The following CLVS2 variants were observed in gnomAD, a reference collection of about 807,000 sequenced individuals.
CLVS2 encodes the protein clavesin 2.
Under a neutral mutation model 29.0 loss-of-function variants are expected in CLVS2, and 19 were observed. The ratio of observed to expected loss-of-function variants is 0.66; its 90% CI spans 0.46 to 0.96. The LOEUF (loss-of-function observed/expected upper bound fraction) is 0.96, where lower values mean the gene tolerates loss of function less well. Ranked by LOEUF, CLVS2 falls within the 40% of genes least tolerant of loss-of-function variation. CLVS2 has a pLI of 0.00. For missense variants in CLVS2, 294 were observed against 404.1 expected (o/e 0.73, Z 2.34); for synonymous variants, 161 against 151.3 (o/e 1.06, Z -0.47).
intron 2 of CLVS2, among the ~76,000 whole-genome samples, chr6:123,008,184 G>C (rs1774696294): frequency 6.6e-6 from 1 of 151,968 alleles, no homozygotes; most frequent in Non-Finnish European, 1.5e-5. Context: ...GTATTTTTAT[G>C]TTTCTTTTTC....
chr6:123,004,515 T>C (rs1774635437), intron 2 of CLVS2, among the ~76,000 whole-genome samples: 1 of 152,232 alleles, frequency 6.6e-6, no homozygotes. Flanking sequence ...GATGTCTTAT[T>C]GCTTTTCCTC....
chr6:123,047,110 G>T (rs1772525386), intron 3 of CLVS2, among the ~76,000 whole-genome samples: 1 of 151,946 alleles, frequency 6.6e-6, no homozygotes, highest in Admixed American at 6.6e-5. Flanking sequence ...CATTAAACTA[G>T]GAAAATACCT....
rs989012381 is a variant in CLVS2 at position 123,069,166 on chromosome 6, G to T, written c.*5405G>T. 6.6e-6 allele frequency: 1 copy of T among 151,652 alleles called. No homozygotes were observed. Among genetic ancestry groups the T allele is most frequent in the African/African-American group, 2.4e-5 (1 of 41,354 alleles). 9.4% of individuals were successfully genotyped at this position (151,652 alleles called of 1,614,324 possible). ...CAAACTTTCAAATGAAAGTTTGAAA[G>T]AAGTAAACTAATGTTTTAATTACAT... On this transcript the variant is annotated 3_prime_UTR_variant, in exon 6 of 6. Coordinates refer to ENST00000275162, the MANE Select transcript of CLVS2 (RefSeq NM_001010852.4).
chr6:123,059,472 T>C (rs1404568542), intron 5 of CLVS2, among the ~76,000 whole-genome samples: 1 of 152,186 alleles, frequency 6.6e-6, no homozygotes, highest in Non-Finnish European at 1.5e-5. Flanking sequence ...GAAATACCAG[T>C]TGAATGCATG....
At position 123,064,926 on chromosome 6, in the gene CLVS2, A is replaced by T. The variant is rs1772831523; in HGVS notation, c.*1165A>T. 2 of 151,942 alleles carry T rather than the reference A, an allele frequency of 1.3e-5. No homozygotes were observed. The highest frequency in any genetic ancestry group is 1.5e-5 in the Non-Finnish European group (1 of 67,800). 9.4% of individuals were successfully genotyped at this position (151,942 alleles called of 1,614,324 possible). ...ATATGTGCCATCTTATTTGAACTAT[A>T]TTTTTCCTTCAAAGAAGCAATAGGT... On this transcript the variant is annotated 3_prime_UTR_variant, in exon 6 of 6. Transcript: ENST00000275162.
rs954244195 is a variant in CLVS2, at chr6:123,068,026, G to A, written c.*4265G>A. 6 of 151,528 alleles carry A rather than the reference G, an allele frequency of 4.0e-5. No homozygotes were observed. Among genetic ancestry groups the A allele is most frequent in the African/African-American group, 1.5e-4 (6 of 41,340 alleles). The allele number at this position is 151,528 out of a possible 1,614,324, so 9.4% of individuals were successfully genotyped here. On this transcript the variant is annotated 3_prime_UTR_variant, in exon 6 of 6. Transcript: ENST00000275162. ...GCTTAGAGAATATAATCTTTTTTAA[G>A]AATTAAAGATTTTATTTTATAAATA...
intron 2 of CLVS2, among the ~76,000 whole-genome samples, chr6:123,001,423 A>G (rs777329407): frequency 6.6e-6 from 1 of 152,206 alleles, no homozygotes; most frequent in Non-Finnish European, 1.5e-5. Flanking sequence ...AAATACTCAA[A>G]TGTCAAAATG....
intron 4 of CLVS2, among the ~76,000 whole-genome samples, 200 bp downstream of exon 4, chr6:123,048,932 C>A (rs1772562774): frequency 6.6e-6 from 1 of 152,158 alleles, no homozygotes. Context: ...AGCTAGCTCT[C>A]CTACTTGCTC....
chr6:123,061,913 G>A (rs1187045417), intron 5 of CLVS2, among the ~76,000 whole-genome samples: 1 of 151,880 alleles, frequency 6.6e-6, no homozygotes, highest in Non-Finnish European at 1.5e-5. Flanking sequence ...TTTCTATAAA[G>A]AAAACAGAAT....
intron 3 of CLVS2, among the ~76,000 whole-genome samples, chr6:123,036,563 A>C (rs1320891972): frequency 1.3e-5 from 2 of 152,162 alleles, no homozygotes; most frequent in Non-Finnish European, 2.9e-5. Flanking sequence ...TGTTGTGTTA[A>C]ATAAAACTAA....
At chr6:123,033,615 GA>G (rs756165662) in intron 3 of CLVS2, among the ~76,000 whole-genome samples, 21 of 151,862 alleles carry the variant, frequency 1.4e-4, no homozygotes, top group Non-Finnish European at 2.1e-4. Context: ...AGAACTTTTA[GA>G]AAAAAATAGG....
chr6:123,029,318 A>G (rs1249547734), intron 3 of CLVS2, among the ~76,000 whole-genome samples: 1 of 152,244 alleles, frequency 6.6e-6, no homozygotes, highest in Non-Finnish European at 1.5e-5. Context: ...AAAATTTCAA[A>G]TGCTATGTAA....
intron 2 of CLVS2, among the ~76,000 whole-genome samples, chr6:123,005,825 A>G (rs1295022612): frequency 6.6e-6 from 1 of 152,238 alleles, no homozygotes; most frequent in Non-Finnish European, 1.5e-5. Context: ...TATTGGGCTG[A>G]CAGGGAAGCC....
At position 123,033,873 on chromosome 6, in the gene CLVS2, A is replaced by G. The variant is rs1387646610; in HGVS notation, c.565-14749A>G. On this transcript the variant is annotated intron_variant, in intron 3 of 5. Transcript: ENST00000275162. ...AAAATCATTAAAAATTCAACAGTGAAAAAACAATCCAATAAGAATATGGTT... is the reference window on the plus strand; with the variant it reads ...AAAATCATTAAAAATTCAACAGTGAGAAAACAATCCAATAAGAATATGGTT... Among the ~76,000 whole-genome samples, 3 of 152,232 alleles carry G rather than the reference A, an allele frequency of 2.0e-5. No homozygotes were observed. In the East Asian group the frequency reaches 5.8e-4, roughly 29 times the overall value.
At chr6:123,029,950 G>A (rs1775059722) in intron 3 of CLVS2, among the ~76,000 whole-genome samples, 2 of 152,256 alleles carry the variant, frequency 1.3e-5, no homozygotes, top group Middle Eastern at 3.4e-3. Flanking sequence ...ATCGTCCTAC[G>A]TGGAGAAAGG....
chr6:123,048,549 CA>C, intron 3 of CLVS2, 72 bp from the exon 4 acceptor site: 1 of 964,628 alleles, frequency 1.0e-6, no homozygotes, highest in Non-Finnish European at 1.7e-6. Context: ...ATTTGTATAC[CA>C]TATAACCTTT....
rs559216033 is a variant in CLVS2 at position 123,065,291 on chromosome 6, T to G, written c.*1530T>G. Reference sequence around the variant, plus strand: ...TTGAGAGTTTACCATTAAAGTATTCTTTTGGAAGAAAAATATCTCAGAAAC... The same window carrying G: ...TTGAGAGTTTACCATTAAAGTATTCGTTTGGAAGAAAAATATCTCAGAAAC... On this transcript the variant is annotated 3_prime_UTR_variant, in exon 6 of 6. Transcript: ENST00000275162. 1.3e-5 allele frequency: 2 copies of G among 151,976 alleles called. No individual in the cohort carries two copies. The highest frequency in any genetic ancestry group is 4.8e-5 in the African/African-American group (2 of 41,540). The allele number at this position is 151,976 out of a possible 1,614,324, so 9.4% of individuals were successfully genotyped here. A position where few individuals can be genotyped will look rare whatever the true frequency, so the allele number is the denominator to read the frequency against.
intron 3 of CLVS2, among the ~76,000 whole-genome samples, chr6:123,045,273 G>T (rs942842744): frequency 6.6e-6 from 1 of 152,012 alleles, no homozygotes; most frequent in East Asian, 1.9e-4. Flanking sequence ...AGAACAAACG[G>T]ATTTAATACT....
rs77836990 is a variant in CLVS2 at position 123,031,795 on chromosome 6, C to CT, written c.565-16815dup. On this transcript the variant is annotated intron_variant, in intron 3 of 5. Transcript: ENST00000275162. Reference sequence around the variant, plus strand: ...TGTATTGGAAGTCTACCAGTAGTACCTTTTTTTTTTTTAATTGCCTTAGCC... The same window carrying CT: ...TGTATTGGAAGTCTACCAGTAGTACCTTTTTTTTTTTTTAATTGCCTTAGCC... Among the ~76,000 whole-genome samples, 683 of 144,460 alleles carry CT rather than the reference C, an allele frequency of 4.7e-3. 4 individuals carry two copies. Among genetic ancestry groups the CT allele is most frequent in the African/African-American group, 0.014 (567 of 39,586 alleles). The allele number at this position is 144,460 out of a possible 152,430, so 94.8% of individuals were successfully genotyped here.
Sources: gnomAD v4.1 joint callset for allele counts (sites outside exome capture counted in the v4.1 genomes callset) on GRCh38, gnomAD v4.1.1 for gene constraint, MANE v1.5 for transcripts, NCBI Gene and HGNC (gene_info 2026-07-23, HGNC 2026-07-21) for gene names.